Variants in UNK observed in about 807,000 individuals in gnomAD.
UNK encodes RING finger protein unkempt homolog.
UNK carries 32 observed loss-of-function variants against 97.6 expected under a neutral mutation model. The observed-to-expected ratio is 0.33, with a 90% CI of 0.25 to 0.44. UNK has a LOEUF of 0.44. UNK is among the 20% of genes least tolerant of loss of function. UNK has a pLI of 1.00. For synonymous variants in UNK, 441 were observed against 461.2 expected, an observed-to-expected ratio of 0.96 and a Z score of 0.56; for missense variants, 771 against 1,098.4, an observed-to-expected ratio of 0.70 and a Z score of 4.21.
In UNK at chr17:75,819,889, C is replaced by G. The variant is rs767948571; in HGVS notation, c.1649-31C>G. 2 of 1,601,694 alleles carry G rather than the reference C, an allele frequency of 1.2e-6. No individual in the cohort carries two copies. Among genetic ancestry groups the G allele is most frequent in the Non-Finnish European group, 1.7e-6 (2 of 1,173,490 alleles). ...CCCGCCTGGCTTCCGCTGCCCTCAC[C>G]CAGCCCGTCCTCCCCGGGCCTCTCT... On this transcript the variant is annotated intron_variant, in intron 12 of 15. Coordinates refer to ENST00000589666, the MANE Select transcript of UNK (RefSeq NM_001080419.3). This position sits in a 1 kb window ranked among gnomAD's most constrained non-coding sequence, Gnocchi z 5.4.
chr17:75,794,727 C>G (rs2061790978), intron 1 of UNK, among the ~76,000 whole-genome samples: 1 of 152,134 alleles, frequency 6.6e-6, no homozygotes, highest in Non-Finnish European at 1.5e-5. Context: ...TGAGGCCCAG[C>G]TCTGTCAGTT....
rs1033173848 is a variant in UNK, at chr17:75,824,510, G to T, written c.*93G>T. Reference sequence around the variant, plus strand: ...TATGAATATATATATATATGTGTATGTATGTATGTATATGTATATGATTAT... The same window carrying T: ...TATGAATATATATATATATGTGTATTTATGTATGTATATGTATATGATTAT... On this transcript the variant is annotated 3_prime_UTR_variant, in exon 16 of 16. Coordinates refer to ENST00000589666, the MANE Select transcript of UNK (RefSeq NM_001080419.3). This position sits in a 1 kb window ranked among gnomAD's most constrained non-coding sequence, Gnocchi z 4.9. 2 of 893,122 alleles carry T rather than the reference G, an allele frequency of 2.2e-6. No homozygotes were observed. Among genetic ancestry groups the T allele is most frequent in the African/African-American group, 3.5e-5 (2 of 56,340 alleles). The allele number at this position is 893,122 out of a possible 1,614,324, so 55.3% of individuals were successfully genotyped here. A position where few individuals can be genotyped will look rare whatever the true frequency, so the allele number is the denominator to read the frequency against.
At chr17:75,792,680 A>G (rs767812385) in intron 1 of UNK, 1 of 171,380 alleles carries the variant, frequency 5.8e-6, no homozygotes, top group African/African-American at 2.4e-5. Context: ...GAGAAAGTGC[A>G]TGGGATAATA....
rs1304203504 is a variant in UNK, at chr17:75,819,737, A to G, written c.1600A>G (p.Lys534Glu). ...TGAGTTTGGCGTGGCCGCCCTGGAGAAGACTTTCGATAACAGCACAGTGCC... is the reference window on the plus strand; with the variant it reads ...TGAGTTTGGCGTGGCCGCCCTGGAGGAGACTTTCGATAACAGCACAGTGCC... The part of the protein sequence containing the change: ...LNEFGVAALE[K>E]TFDNSTVPHP... Residue 534 changes from lysine to glutamate, a missense_variant, in exon 12 of 16, where the codon AAG becomes GAG. This residue lies in a region of UNK where 91 missense variants were observed against 173.1 expected (regional missense o/e 0.53). Transcript: ENST00000589666. The surrounding 1 kb of genome is among the most constrained non-coding windows in gnomAD (Gnocchi z 5.4). The G allele has an allele frequency of 6.2e-7, 1 of 1,613,800 alleles. No individual in the cohort carries two copies. Among genetic ancestry groups the G allele is most frequent in the Admixed American group, 1.7e-5 (1 of 60,024 alleles).
chr17:75,803,188 G>A (rs1051989290), intron 1 of UNK, among the ~76,000 whole-genome samples: 3 of 132,584 alleles, frequency 2.3e-5, no homozygotes, highest in South Asian at 2.3e-4. Flanking sequence ...CATGAGGTCA[G>A]GAGATCAAGA....
chr17:75,815,120 G>T (rs1291757673), intron 6 of UNK, 49 bp from the exon 7 acceptor site: 2 of 1,563,962 alleles, frequency 1.3e-6, no homozygotes, highest in Non-Finnish European at 8.7e-7. Flanking sequence ...GAGCCTGCCC[G>T]GCCTTCCCTC....
chr17:75,813,853 G>T lies in UNK; in HGVS notation c.851G>T (p.Arg284Leu). Residue 284 changes from arginine (R) to leucine (L), a missense_variant, in exon 6 of 16, where the codon CGC becomes CTC. Physicochemically the swap from Arg to Leu is moderately radical, Grantham distance 102. Transcript: ENST00000589666. ...NGDACQYCHT[R>L]TEQQFHPEIY... ...GACGCCTGCCAGTACTGCCACACCC[G>T]CACCGAGCAGCAGTTCCACCCCGAG... is the stretch of plus-strand genomic sequence containing the variant. 6.3e-7 allele frequency: 1 copy of T among 1,592,232 alleles called. No homozygotes were observed.
chr17:75,810,634 C>T (rs1298084318), intron 2 of UNK, among the ~76,000 whole-genome samples: 1 of 152,074 alleles, frequency 6.6e-6, no homozygotes, highest in Non-Finnish European at 1.5e-5. Flanking sequence ...GGCTGGAGTG[C>T]AGTGGCAGCA....
chr17:75,804,730 C>G (rs2061894554), intron 1 of UNK, among the ~76,000 whole-genome samples: 1 of 151,776 alleles, frequency 6.6e-6, no homozygotes, highest in South Asian at 2.1e-4. Context: ...ATCCCAGCTA[C>G]TCGGGAGGCT....
chr17:75,814,273 G>A (rs950065987), intron 6 of UNK, among the ~76,000 whole-genome samples: 1 of 152,044 alleles, frequency 6.6e-6, no homozygotes, highest in Non-Finnish European at 1.5e-5. Flanking sequence ...AGGCCGAGGT[G>A]GGTGCATCAC....
At chr17:75,798,709 G>GA (rs2061828937) in intron 1 of UNK, among the ~76,000 whole-genome samples, 1 of 150,992 alleles carries the variant, frequency 6.6e-6, no homozygotes, top group South Asian at 2.2e-4. Flanking sequence ...ATAGAAACAG[G>GA]AATTAATCTG....
intron 13 of UNK, among the ~76,000 whole-genome samples, chr17:75,820,365 A>G (rs11868566): frequency 0.14 from 20,749 of 152,230 alleles, 1,501 homozygotes; most frequent in Non-Finnish European, 0.15. Flanking sequence ...TGAATGGAGT[A>G]ATGGGGCTGA....
intron 2 of UNK, among the ~76,000 whole-genome samples, 196 bp downstream of exon 2, chr17:75,810,165 A>G (rs1045094492): frequency 6.6e-6 from 1 of 152,180 alleles, no homozygotes; most frequent in African/African-American, 2.4e-5. Context: ...TCCCACTTTT[A>G]GGAAACCTAA....
At chr17:75,810,083 G>A in intron 2 of UNK, 114 bp downstream of exon 2, 1 of 1,310,450 alleles carries the variant, frequency 7.6e-7, no homozygotes, top group Non-Finnish European at 1.1e-6. Context: ...TTGCAGCCCA[G>A]CCCATGGCCC....
At position 75,817,476 on chromosome 17, in the gene UNK, G is replaced by C. The variant is rs374489352; in HGVS notation, c.1255G>C (p.Glu419Gln). 6.2e-7 allele frequency: 1 copy of C among 1,613,024 alleles called. No individual in the cohort carries two copies. The highest frequency in any genetic ancestry group is 8.5e-7 in the Non-Finnish European group (1 of 1,179,502). The change falls in exon 9 of 16, where the codon GAG becomes CAG. Residue 419 changes from glutamate to glutamine, a missense_variant. Glu to Gln is a conservative substitution (Grantham distance 29). Around this residue, in one of 5 missense-constraint regions of UNK, gnomAD observed 192 missense variants for 202.4 expected, o/e 0.95. Transcript: ENST00000589666. This position sits in a 1 kb window ranked among gnomAD's most constrained non-coding sequence, Gnocchi z 5.8. ...CAGCTATAAGAAGGCTCCCGGCTTC[G>C]AGAGGGAAGACCAGGTGGGAGCCGA... is the stretch of plus-strand genomic sequence containing the variant. ...PGSYKKAPGFEREDQVGAEYL... is the reference protein window; with the variant it reads ...PGSYKKAPGFQREDQVGAEYL...
chr17:75,815,117 C>A, intron 6 of UNK, 52 bp from the exon 7 acceptor site: 1 of 1,553,158 alleles, frequency 6.4e-7, no homozygotes, highest in Non-Finnish European at 8.8e-7. Context: ...GGGGAGCCTG[C>A]CCGGCCTTCC....
At chr17:75,820,765 G>C (rs1160320098) in intron 13 of UNK, among the ~76,000 whole-genome samples, 2 of 152,088 alleles carry the variant, frequency 1.3e-5, no homozygotes, top group Non-Finnish European at 1.5e-5. Flanking sequence ...CTGAGGGCGG[G>C]ATGGGAAGCA....
chr17:75,818,813 A>T lies in UNK; in HGVS notation c.1543A>T (p.Ile515Leu), dbSNP rs774436441. ...CACCAGCGACACGGTAGAGTCAGTC[A>T]TAGGTAACTAGGCCATTTCTGTTTG... is the stretch of plus-strand genomic sequence containing the variant. ...YPTSDTVESVIESALDDLDLN... is the reference protein window; with the variant it reads ...YPTSDTVESVLESALDDLDLN... The change falls in exon 11 of 16, where the codon ATA becomes TTA. Residue 515 changes from isoleucine (I) to leucine (L), a missense_variant. Transcript: ENST00000589666. The surrounding 1 kb of genome is among the most constrained non-coding windows in gnomAD (Gnocchi z 5.1). 1 of 1,598,232 alleles carries T rather than the reference A, an allele frequency of 6.3e-7. No homozygotes were observed. The highest frequency in any genetic ancestry group is 1.3e-5 in the African/African-American group (1 of 74,470).
intron 1 of UNK, among the ~76,000 whole-genome samples, chr17:75,801,180 G>A (rs1302375552): frequency 1.3e-5 from 2 of 151,980 alleles, no homozygotes; most frequent in East Asian, 1.9e-4. Flanking sequence ...TGGGATTACC[G>A]GTGTGAGCCA....
Sources: allele counts gnomAD v4.1 joint callset (sites outside exome capture counted in the v4.1 genomes callset), GRCh38; gene constraint gnomAD v4.1.1; regional missense constraint gnomAD v4.1.1; non-coding constraint Gnocchi (gnomAD v3.1); transcripts MANE v1.5; gene names NCBI Gene and HGNC (gene_info 2026-07-23, HGNC 2026-07-21).